Variants in SMURF1 observed in about 807,000 individuals in gnomAD.
SMURF1 encodes E3 ubiquitin-protein ligase SMURF1.
SMURF1 carries 44 observed loss-of-function variants against 98.0 expected under a neutral mutation model. The ratio of observed to expected loss-of-function variants is 0.45; its 90% CI spans 0.35 to 0.58. The LOEUF (loss-of-function observed/expected upper bound fraction) is 0.58. Ranked by LOEUF, SMURF1 falls within the 20% of genes least tolerant of loss-of-function variation. The probability of loss-of-function intolerance (pLI) is 0.00; values close to 1 mark genes in which losing one functional copy is unlikely to be tolerated. For missense variants in SMURF1, 687 were observed against 938.4 expected, an observed-to-expected ratio of 0.73 and a Z score of 3.50; for synonymous variants, 396 against 374.9, an observed-to-expected ratio of 1.06 and a Z score of -0.65.
chr7:99,094,967 C>T (rs887413238), intron 1 of SMURF1, among the ~76,000 whole-genome samples: 36 of 152,332 alleles, frequency 2.4e-4, no homozygotes, highest in African/African-American at 8.4e-4. Flanking sequence ...TCACAGGAGG[C>T]CCAGGGCTCA....
At chr7:99,072,061 A>C (rs1796336483) in intron 1 of SMURF1, among the ~76,000 whole-genome samples, 1 of 152,010 alleles carries the variant, frequency 6.6e-6, no homozygotes, top group Non-Finnish European at 1.5e-5. Flanking sequence ...CCTGGGCAAC[A>C]GAGTGAGATG....
At chr7:99,064,221 G>C (rs1189709631) in intron 1 of SMURF1, among the ~76,000 whole-genome samples, 1 of 152,168 alleles carries the variant, frequency 6.6e-6, no homozygotes, top group Non-Finnish European at 1.5e-5. Context: ...ATATTGGTTT[G>C]TATTTTCCTT....
At chr7:99,081,033 C>T (rs1468466574) in intron 1 of SMURF1, 1 of 152,308 alleles carries the variant, frequency 6.6e-6, no homozygotes, top group Non-Finnish European at 1.5e-5. Context: ...CCCCTGACCC[C>T]CAACTCACAA....
At chr7:99,105,322 T>G (rs893446196) in intron 1 of SMURF1, among the ~76,000 whole-genome samples, 1 of 152,228 alleles carries the variant, frequency 6.6e-6, no homozygotes, top group Non-Finnish European at 1.5e-5. Context: ...CTTTCACTAA[T>G]GCAAAATTAT....
chr7:99,051,585 G>A (rs935538464), intron 7 of SMURF1, 144 bp from the exon 8 acceptor site: 30 of 680,706 alleles, frequency 4.4e-5, no homozygotes, highest in Admixed American at 1.1e-4. Flanking sequence ...TGAGGTGGCC[G>A]AATAATCCCC....
chr7:99,035,524 C>T lies in SMURF1; in HGVS notation c.2002G>A (p.Ala668Thr). Residue 668 changes from alanine to threonine, a missense_variant, in exon 16 of 18, where the codon GCT (alanine) becomes ACT (threonine). Physicochemically the swap from Ala to Thr is moderately conservative, Grantham distance 58 (BLOSUM62 0). This residue lies in a region of SMURF1 where 272 missense variants were observed against 430.0 expected (regional missense o/e 0.63). Transcript: ENST00000361368. ...CCTCCACGTCAGTCACCTTGCAAAG[C>T]CTTGAAGCCTTGGAGCGGGACTCGC... ...STRVPLQGFK[A>T]LQGSTGAAGP... The T allele has an allele frequency of 6.2e-7, 1 of 1,614,208 alleles. No homozygotes were observed. Among genetic ancestry groups the T allele is most frequent in the Non-Finnish European group, 8.5e-7 (1 of 1,180,052 alleles).
At chr7:99,108,118 C>T (rs920744611) in intron 1 of SMURF1, among the ~76,000 whole-genome samples, 1 of 152,168 alleles carries the variant, frequency 6.6e-6, no homozygotes, top group Non-Finnish European at 1.5e-5. Context: ...ATGAAATTCA[C>T]AACCTACTCA....
chr7:99,111,859 G>A (rs1459900402), intron 1 of SMURF1, among the ~76,000 whole-genome samples: 1 of 152,180 alleles, frequency 6.6e-6, no homozygotes, highest in African/African-American at 2.4e-5. Context: ...CTGGCTCAAA[G>A]GATATGCCTG....
At chr7:99,039,103 G>C (rs1795267927) in intron 13 of SMURF1, among the ~76,000 whole-genome samples, 1 of 143,766 alleles carries the variant, frequency 7.0e-6, no homozygotes, top group Non-Finnish European at 1.5e-5. Flanking sequence ...TGAGGCAGGA[G>C]AATTGCTTGA....
In SMURF1 at chr7:99,143,742, G is replaced by A; in HGVS notation, c.39C>T (p.Ile13=). The change falls in exon 1 of 18, where the codon ATC becomes ATT. Residue 13 remains isoleucine (I), a synonymous_variant. Transcript: ENST00000361368. The part of the protein sequence containing the change: ...NPGTRRNGSS[I]KIRLTVLCAK... Reference sequence around the variant, plus strand: ...CGGCCGTACCTGTCAGACGGATCTTGATGCTGGAGCCGTTCCTGCGTGTCC... The same window carrying A: ...CGGCCGTACCTGTCAGACGGATCTTAATGCTGGAGCCGTTCCTGCGTGTCC... 6.4e-7 allele frequency: 1 copy of A among 1,564,752 alleles called. No homozygotes were observed. Among genetic ancestry groups the A allele is most frequent in the Non-Finnish European group, 8.6e-7 (1 of 1,157,904 alleles).
At chr7:99,110,357 C>A (rs751367574) in intron 1 of SMURF1, among the ~76,000 whole-genome samples, 5 of 152,188 alleles carry the variant, frequency 3.3e-5, no homozygotes, top group Admixed American at 1.3e-4. Context: ...AAAATCAGTT[C>A]TTTCCAAATT....
chr7:99,031,628 C>T (rs1049252673), intron 17 of SMURF1, among the ~76,000 whole-genome samples: 3 of 152,192 alleles, frequency 2.0e-5, no homozygotes, highest in Non-Finnish European at 4.4e-5. Context: ...CAACATGGTG[C>T]GTTCCCGTAA....
At chr7:99,041,797 T>C (rs1049422441) in intron 12 of SMURF1, among the ~76,000 whole-genome samples, 2 of 152,242 alleles carry the variant, frequency 1.3e-5, no homozygotes, top group African/African-American at 4.8e-5. Flanking sequence ...CTTCGGAACC[T>C]ACTCCTTAGA....
chr7:99,041,563 G>A lies in SMURF1; in HGVS notation c.1371+555C>T, dbSNP rs542236141. ...TTCTTCCACATTTGAATGCACAAGC[G>A]GAGCCTGTCCCGACTTCGCCTCAGT... On this transcript the variant is annotated intron_variant, in intron 12 of 17. Coordinates refer to ENST00000361368, the MANE Select transcript of SMURF1 (RefSeq NM_181349.3). Among the ~76,000 whole-genome samples the A allele has an allele frequency of 9.4e-4, 143 of 152,322 alleles. 4 individuals carry two copies. The highest frequency in any genetic ancestry group is 9.3e-3 in the Admixed American group (142 of 15,302).
intron 1 of SMURF1, among the ~76,000 whole-genome samples, chr7:99,106,305 G>A (rs1417149335): frequency 6.6e-6 from 1 of 152,208 alleles, no homozygotes; most frequent in Non-Finnish European, 1.5e-5. Flanking sequence ...ATCAAAGATT[G>A]AGAAAAATTC....
At chr7:99,122,267 G>A (rs1209245596) in intron 1 of SMURF1, among the ~76,000 whole-genome samples, 1 of 151,384 alleles carries the variant, frequency 6.6e-6, no homozygotes, top group Non-Finnish European at 1.5e-5. Flanking sequence ...GGCAGAGGTT[G>A]CAGTAAGCCG....
chr7:99,053,291 A>T (rs1001761239), intron 6 of SMURF1, among the ~76,000 whole-genome samples: 24 of 152,112 alleles, frequency 1.6e-4, no homozygotes, highest in African/African-American at 5.6e-4. Context: ...AAAATGAGAG[A>T]CCAGTACAAT....
intron 1 of SMURF1, among the ~76,000 whole-genome samples, chr7:99,097,225 ACC>A (rs1796973927): frequency 6.6e-6 from 1 of 152,226 alleles, no homozygotes; most frequent in African/African-American, 2.4e-5. Flanking sequence ...AGCAGAATGA[ACC>A]ATTGCAATCA....
intron 1 of SMURF1, among the ~76,000 whole-genome samples, chr7:99,093,390 T>C (rs577099478): frequency 6.0e-4 from 92 of 152,320 alleles, no homozygotes; most frequent in African/African-American, 2.2e-3. Context: ...CTTTCAGCTC[T>C]AGCTACACAA....
Sources: gnomAD v4.1 joint callset for allele counts (sites outside exome capture counted in the v4.1 genomes callset) on GRCh38, gnomAD v4.1.1 for gene constraint, gnomAD v4.1.1 regional missense constraint, MANE v1.5 for transcripts, NCBI Gene and HGNC (gene_info 2026-07-23, HGNC 2026-07-21) for gene names.